ARL10: variants seen among roughly 807,000 people sequenced by gnomAD.
ARL10 encodes the protein ARF like GTPase 10.
Under a neutral mutation model 26.1 loss-of-function variants are expected in ARL10, and 23 were observed. That is an observed-to-expected ratio of 0.88 (90% CI 0.63 to 1.25). The LOEUF (loss-of-function observed/expected upper bound fraction) is 1.25, where lower values mean the gene tolerates loss of function less well. Ranked by LOEUF, ARL10 falls within the 50% of genes most tolerant of loss-of-function variation. ARL10 has a pLI of 0.00. For synonymous variants in ARL10, 138 were observed against 149.1 expected (o/e 0.93, Z 0.54); for missense variants, 300 against 323.6 (o/e 0.93, Z 0.56).
downstream of ARL10, among the ~76,000 whole-genome samples, chr5:176,391,130 C>T (rs999508719): frequency 3.3e-5 from 5 of 152,048 alleles, no homozygotes; most frequent in African/African-American, 1.2e-4. Context: ...TGTACTAGGG[C>T]CAGCTAAGTT....
chr5:176,395,190 TC>T (rs1404123722), intron 1 of ARL10, among the ~76,000 whole-genome samples: 1 of 150,896 alleles, frequency 6.6e-6, no homozygotes, highest in African/African-American at 2.4e-5. Flanking sequence ...CAGCTGCTCC[TC>T]CCACCTTCTC....
the ARL10 span, among the ~76,000 whole-genome samples, chr5:176,407,077 G>A: frequency 6.6e-6 from 1 of 152,170 alleles, no homozygotes; most frequent in South Asian, 2.1e-4. Context: ...TAGTAACAGT[G>A]AGAATAAGAG....
chr5:176,397,640 C>T, intron 1 of ARL10: 1 of 1,608,244 alleles, frequency 6.2e-7, no homozygotes, highest in East Asian at 2.2e-5. Context: ...TACTTGTTCA[C>T]TCTGGCGCTG....
At chr5:176,407,086 A>C in the ARL10 span, among the ~76,000 whole-genome samples, 2 of 152,168 alleles carry the variant, frequency 1.3e-5, no homozygotes, top group African/African-American at 4.8e-5. Flanking sequence ...TGAGAATAAG[A>C]GTTCTCACTC....
At chr5:176,403,049 A>ATTTT (rs34807992), downstream of ARL10, among the ~76,000 whole-genome samples, 2 of 138,010 alleles carry the variant, frequency 1.4e-5, no homozygotes, top group Non-Finnish European at 3.1e-5. Context: ...GCCTGCCCTA[A>ATTTT]TTTTTTTTTT....
chr5:176,375,311 T>TCCACCCATCCAC lies in ARL10; in HGVS notation c.*3419_*3420insCCCATCCACCCA, dbSNP rs1768669103. Reference sequence around the variant, plus strand: ...ACCCATCCATCCATCCATCCATCCATCCATCCATCCATCCATCCATCCATC... The same window carrying TCCACCCATCCAC: ...ACCCATCCATCCATCCATCCATCCATCCACCCATCCACCCATCCATCCATCCATCCATCCATC... On this transcript the variant is annotated 3_prime_UTR_variant, in exon 4 of 4. Coordinates refer to ENST00000310389, the MANE Select transcript of ARL10 (RefSeq NM_173664.6). The TCCACCCATCCAC allele has an allele frequency of 3.0e-5, 2 of 67,274 alleles. No individual in the cohort carries two copies. The highest frequency in any genetic ancestry group is 1.1e-4 in the African/African-American group (2 of 17,614). The allele number at this position is 67,274 out of a possible 1,614,324, so 4.2% of individuals were successfully genotyped here. A position where few individuals can be genotyped will look rare whatever the true frequency, so the allele number is the denominator to read the frequency against.
chr5:176,390,512 C>T (rs1756229060), downstream of ARL10, among the ~76,000 whole-genome samples: 1 of 152,144 alleles, frequency 6.6e-6, no homozygotes, highest in Non-Finnish European at 1.5e-5. Context: ...TCACTGCAAC[C>T]TCCGCCTCCC....
At chr5:176,390,230 C>T (rs1756212146), downstream of ARL10, among the ~76,000 whole-genome samples, 1 of 148,146 alleles carries the variant, frequency 6.8e-6, no homozygotes, top group Non-Finnish European at 1.5e-5. Context: ...CCTTGAGATT[C>T]TAGTTCAGTG....
At chr5:176,394,637 AC>A (rs1029853336) in intron 1 of ARL10, among the ~76,000 whole-genome samples, 2 of 136,958 alleles carry the variant, frequency 1.5e-5, no homozygotes, top group African/African-American at 5.2e-5. Context: ...ACACGGTGAA[AC>A]CCCGTCTCTA....
chr5:176,374,868 C>G lies in ARL10; in HGVS notation c.*2973C>G, dbSNP rs183314755. The G allele has an allele frequency of 7.8e-4, 119 of 152,302 alleles. No homozygotes were observed. The highest frequency in any genetic ancestry group is 2.7e-3 in the African/African-American group (114 of 41,560). The allele number at this position is 152,302 out of a possible 1,614,324, so 9.4% of individuals were successfully genotyped here. On this transcript the variant is annotated 3_prime_UTR_variant, in exon 4 of 4. Coordinates refer to ENST00000310389, the MANE Select transcript of ARL10 (RefSeq NM_173664.6). ...CAAACACATTATGTGTTCCTTTTCC[C>G]TGAGAAATATCCTTGATGTGTTTGG... is the stretch of plus-strand genomic sequence containing the variant.
At chr5:176,402,212 G>C (rs773244340), downstream of ARL10, among the ~76,000 whole-genome samples, 2 of 152,162 alleles carry the variant, frequency 1.3e-5, no homozygotes, top group Admixed American at 6.5e-5. Context: ...TGAGGCAGGA[G>C]AATTGAACCC....
rs955702742 is a variant in ARL10, at chr5:176,380,188, A to G, written c.*8293A>G. ...GCATCGAGGCAAAGAAGAGACAGAG[A>G]AGGAGCAATCCAGGTTCATGTGCTG... On this transcript the variant is annotated 3_prime_UTR_variant, in exon 4 of 4. Transcript: ENST00000310389. 2.2e-4 allele frequency: 33 copies of G among 152,206 alleles called. No individual in the cohort carries two copies. The highest frequency in any genetic ancestry group is 7.5e-4 in the African/African-American group (31 of 41,446). 9.4% of individuals were successfully genotyped at this position (152,206 alleles called of 1,614,324 possible).
chr5:176,397,675 G>C (rs771680718), intron 1 of ARL10: 4 of 1,612,674 alleles, frequency 2.5e-6, no homozygotes, highest in Non-Finnish European at 2.5e-6. Flanking sequence ...GGTCCTTCTT[G>C]GCCTTCTCCC....
intron 1 of ARL10, among the ~76,000 whole-genome samples, chr5:176,387,282 G>A (rs1174588677): frequency 1.3e-5 from 2 of 152,136 alleles, no homozygotes; most frequent in African/African-American, 4.8e-5. Flanking sequence ...GTTTTGCCAT[G>A]TTGGCCAGGC....
In ARL10 at chr5:176,365,737, C is replaced by T; in HGVS notation, c.174C>T (p.Asp58=). The T allele has an allele frequency of 1.6e-6, 2 of 1,236,020 alleles. No homozygotes were observed. Among genetic ancestry groups the T allele is most frequent in the Non-Finnish European group, 2.0e-6 (2 of 989,000 alleles). The allele number at this position is 1,236,020 out of a possible 1,614,324, so 76.6% of individuals were successfully genotyped here. The change falls in exon 1 of 4, where the codon GAC becomes GAT. Residue 58 remains aspartate (D), a synonymous_variant. Transcript: ENST00000310389. Reference sequence around the variant, plus strand: ...AGGCTGCCCGCCTCCCCGAGTGGGACGAGTGGGACGTGAGTGCCGGGCCGA... The same window carrying T: ...AGGCTGCCCGCCTCCCCGAGTGGGATGAGTGGGACGTGAGTGCCGGGCCGA... ...GAEAARLPEW[D]EWDPEDEEDE...
downstream of ARL10, chr5:176,392,961 G>A (rs772894711): frequency 3.1e-5 from 50 of 1,613,888 alleles, no homozygotes; most frequent in Middle Eastern, 1.6e-3. The surrounding 1 kb of genome is among the most constrained non-coding windows in gnomAD (Gnocchi z 5.2). Context: ...GGTGGAGATA[G>A]GACGGGCTTT....
chr5:176,410,266 A>G, the ARL10 span: 9 of 1,613,926 alleles, frequency 5.6e-6, no homozygotes, highest in Non-Finnish European at 7.6e-6. Context: ...CCTGAAACAC[A>G]TCTCCATTGA....
At chr5:176,409,976 C>T in the ARL10 span, among the ~76,000 whole-genome samples, 2 of 152,158 alleles carry the variant, frequency 1.3e-5, no homozygotes, top group Non-Finnish European at 2.9e-5. Flanking sequence ...TCATCTCATG[C>T]TGCTGTGGGC....
At chr5:176,387,072 C>G in intron 1 of ARL10, 4 of 591,480 alleles carry the variant, frequency 6.8e-6, no homozygotes, top group Non-Finnish European at 1.2e-5. Flanking sequence ...TTTTCTCTCT[C>G]TCTCTCTTTT....
Sources: allele counts gnomAD v4.1 joint callset (sites outside exome capture counted in the v4.1 genomes callset), GRCh38; gene constraint gnomAD v4.1.1; non-coding constraint Gnocchi (gnomAD v3.1); transcripts MANE v1.5; gene names NCBI Gene and HGNC (gene_info 2026-07-23, HGNC 2026-07-21).